A2ML1: variants seen among roughly 807,000 people sequenced by gnomAD.
A2ML1 encodes alpha-2-macroglobulin like 1.
A2ML1 carries 161 observed loss-of-function variants against 181.9 expected under a neutral mutation model. The ratio of observed to expected loss-of-function variants is 0.89; its 90% CI spans 0.78 to 1.01. A2ML1 has a LOEUF of 1.01. Ranked by LOEUF, A2ML1 falls within the 50% of genes least tolerant of loss-of-function variation. The probability of loss-of-function intolerance (pLI) is 0.00; values close to 1 mark genes in which losing one functional copy is unlikely to be tolerated. For synonymous variants in A2ML1, 663 were observed against 666.8 expected (o/e 0.99, Z 0.09); for missense variants, 1,670 against 1,768.1 (o/e 0.94, Z 1.00).
Position 8,829,710 on chromosome 12 carries a change from T to G in A2ML1, c.410-17T>G. ...CAGGAAACATCCCCTTTGCTAATGA[T>G]GCCTGTTCCTTTCCAGTGTATTTCC... On this transcript the variant is annotated splice_polypyrimidine_tract_variant and intron_variant, in intron 3 of 35. Transcript: ENST00000299698. 6.2e-7 allele frequency: 1 copy of G among 1,612,044 alleles called. No homozygotes were observed. Among genetic ancestry groups the G allele is most frequent in the East Asian group, 2.2e-5 (1 of 44,846 alleles).
chr12:8,874,064 G>A (rs1944717185), intron 33 of A2ML1, among the ~76,000 whole-genome samples: 1 of 152,064 alleles, frequency 6.6e-6, no homozygotes, highest in Non-Finnish European at 1.5e-5. Flanking sequence ...CGCCCAGGCT[G>A]GAGTGCAGTG....
downstream of A2ML1, among the ~76,000 whole-genome samples, chr12:8,877,988 G>A (rs894985763): frequency 6.6e-6 from 1 of 152,138 alleles, no homozygotes; most frequent in Non-Finnish European, 1.5e-5. Flanking sequence ...GTATACCATG[G>A]AATGCTATGT....
At chr12:8,862,645 C>T (rs930169695) in intron 28 of A2ML1, among the ~76,000 whole-genome samples, 8 of 152,190 alleles carry the variant, frequency 5.3e-5, no homozygotes, top group Non-Finnish European at 7.3e-5. Flanking sequence ...TTTATATGAG[C>T]GTCATGGCTG....
intron 23 of A2ML1, among the ~76,000 whole-genome samples, chr12:8,856,046 C>G (rs1944052420): frequency 6.6e-6 from 1 of 152,176 alleles, no homozygotes; most frequent in African/African-American, 2.4e-5. Flanking sequence ...ATTTAATAGC[C>G]ATGTGACCCT....
chr12:8,874,010 A>T (rs1392976497), intron 33 of A2ML1, among the ~76,000 whole-genome samples: 1 of 148,008 alleles, frequency 6.8e-6, no homozygotes, highest in Non-Finnish European at 1.5e-5. Flanking sequence ...TTTTTTAATT[A>T]AAAAAAAAAT....
chr12:8,845,985 G>A, intron 13 of A2ML1, 92 bp from the exon 14 acceptor site: 2 of 1,432,804 alleles, frequency 1.4e-6, no homozygotes, highest in Non-Finnish European at 1.9e-6. Context: ...CATGGTGCCT[G>A]CACTGGCTCA....
At chr12:8,875,231 T>C (rs369816765) in intron 35 of A2ML1, among the ~76,000 whole-genome samples, 1 of 151,404 alleles carries the variant, frequency 6.6e-6, no homozygotes, top group African/African-American at 2.4e-5. Flanking sequence ...GCGCCCACCA[T>C]GATGCCTGGC....
intron 26 of A2ML1, chr12:8,858,419 C>CA (rs1447627727): frequency 1.5e-4 from 32 of 210,646 alleles, no homozygotes; most frequent in South Asian, 8.0e-4. Context: ...CCCATCTCTA[C>CA]AAAAAAAATA....
chr12:8,871,905 C>T (rs765966656), intron 33 of A2ML1, among the ~76,000 whole-genome samples: 6 of 152,074 alleles, frequency 3.9e-5, no homozygotes, highest in African/African-American at 7.2e-5. Context: ...CCTGGCCGGG[C>T]GCAGTGGCTC....
intron 5 of A2ML1, 26 bp from the exon 6 acceptor site, chr12:8,835,481 C>A: frequency 6.2e-7 from 1 of 1,612,748 alleles, no homozygotes; most frequent in South Asian, 1.1e-5. Context: ...CGGGCAGGCA[C>A]ATCATGCAGT....
At chr12:8,874,949 T>G in intron 34 of A2ML1, 22 bp from the exon 35 acceptor site, 1 of 1,613,618 alleles carries the variant, frequency 6.2e-7, no homozygotes, top group East Asian at 2.2e-5. Flanking sequence ...AAAGTAATAA[T>G]ATGACTTATT....
chr12:8,842,900 TAAC>T (rs1444867707), intron 11 of A2ML1, among the ~76,000 whole-genome samples: 1 of 152,218 alleles, frequency 6.6e-6, no homozygotes, highest in Non-Finnish European at 1.5e-5. Flanking sequence ...TCTCATTTAG[TAAC>T]TATAATTCAG....
chr12:8,849,890 T>C, intron 17 of A2ML1, 131 bp downstream of exon 17: 1 of 818,090 alleles, frequency 1.2e-6, no homozygotes, highest in Admixed American at 2.6e-5. Flanking sequence ...GGGTCACAGA[T>C]GCAGGACAGT....
intron 4 of A2ML1, among the ~76,000 whole-genome samples, chr12:8,831,876 A>G (rs1190477064): frequency 6.6e-6 from 1 of 151,840 alleles, no homozygotes; most frequent in African/African-American, 2.4e-5. Context: ...CAGCCTCCCA[A>G]GTAGCTGGGA....
At chr12:8,870,618 A>G (rs1035161767) in intron 33 of A2ML1, among the ~76,000 whole-genome samples, 2 of 152,092 alleles carry the variant, frequency 1.3e-5, no homozygotes, top group Non-Finnish European at 1.5e-5. Context: ...ATCTGGCACT[A>G]CCCTGTAATC....
intron 4 of A2ML1, chr12:8,831,080 GC>G (rs1943096655): frequency 6.6e-6 from 1 of 152,040 alleles, no homozygotes; most frequent in Non-Finnish European, 1.5e-5. Flanking sequence ...CTCCCCAGTA[GC>G]TGGGACCACA....
intron 16 of A2ML1, among the ~76,000 whole-genome samples, chr12:8,849,242 G>A (rs1377729553): frequency 6.6e-6 from 1 of 152,140 alleles, no homozygotes; most frequent in Admixed American, 6.5e-5. Flanking sequence ...TTGGGATGCT[G>A]TGTGACCCAA....
chr12:8,846,385 C>T (rs900394552), intron 14 of A2ML1, among the ~76,000 whole-genome samples, 163 bp downstream of exon 14: 1 of 152,032 alleles, frequency 6.6e-6, no homozygotes, highest in African/African-American at 2.4e-5. Context: ...TGTTGAAATC[C>T]ATCTCTCTCC....
chr12:8,834,742 G>T (rs979036122), intron 5 of A2ML1, 60 bp downstream of exon 5: 2 of 1,604,664 alleles, frequency 1.2e-6, no homozygotes, highest in African/African-American at 2.7e-5. Context: ...TGAGAATTTG[G>T]TGGTACACCT....
Sources: gnomAD v4.1 joint callset for allele counts (sites outside exome capture counted in the v4.1 genomes callset) on GRCh38, gnomAD v4.1.1 for gene constraint, MANE v1.5 for transcripts, NCBI Gene and HGNC (gene_info 2026-07-23, HGNC 2026-07-21) for gene names.